The following TMEM150B variants were observed in gnomAD, a reference collection of about 807,000 sequenced individuals.
TMEM150B encodes transmembrane protein 150B, also known as modulator of macroautophagy TMEM150B.
TMEM150B carries 33 observed loss-of-function variants against 25.2 expected under a neutral mutation model. The observed-to-expected ratio is 1.31, with a 90% CI of 0.99 to 1.75. The LOEUF (loss-of-function observed/expected upper bound fraction) is 1.75. Among genes scored for constraint, TMEM150B ranks in the 40% most tolerant of loss-of-function variants. The pLI is 0.00. For synonymous variants in TMEM150B, 133 were observed against 134.8 expected (o/e 0.99, Z 0.09); for missense variants, 322 against 306.1 (o/e 1.05, Z -0.39).
downstream of TMEM150B, chr19:55,312,348 C>T: frequency 4.9e-6 from 1 of 203,632 alleles, no homozygotes; most frequent in Non-Finnish European, 9.7e-6. Flanking sequence ...GGGACGGGAG[C>T]TGGTTGGGGT....
At position 55,317,284 on chromosome 19, in the gene TMEM150B, A is replaced by T. The variant is rs575472671; in HGVS notation, c.325-318T>A. 2.0e-5 allele frequency among the ~76,000 whole-genome samples: 3 copies of T among 152,284 alleles called. No homozygotes were observed. In the East Asian group the frequency reaches 5.8e-4, roughly 29 times the overall value. ...CAAAAATTGGTCTTGCAGGTGAAAA[A>T]TTCTTAAATATTACAATTGTATGTG... On this transcript the variant is annotated intron_variant, in intron 6 of 7. Transcript: ENST00000326652.
Position 55,320,156 on chromosome 19 carries a change from G to A in TMEM150B, c.207C>T (p.Ile69=). 1.2e-6 allele frequency: 2 copies of A among 1,614,154 alleles called. No individual in the cohort carries two copies. The highest frequency in any genetic ancestry group is 1.7e-6 in the Non-Finnish European group (2 of 1,180,024). ...GGAGCTGGTGGTAACGGACAATGCA[G>A]ATCCACGCGGCTGGGAGTAGAGGGG... The part of the protein sequence containing the change: ...LNMGAALAAW[I]CIVRYHQLRD... The change falls in exon 6 of 8, where the codon ATC becomes ATT. Residue 69 remains isoleucine, a synonymous_variant. Coordinates refer to ENST00000326652, the MANE Select transcript of TMEM150B (RefSeq NM_001282011.2).
Position 55,317,083 on chromosome 19 carries a change from A to C in TMEM150B, c.325-117T>G, listed in dbSNP as rs2089030389. 5.8e-6 allele frequency: 5 copies of C among 861,126 alleles called. 1 individual carries two copies. The South Asian group carries it at 9.5e-5, about 16-fold the overall frequency. The allele number at this position is 861,126 out of a possible 1,614,324, so 53.3% of individuals were successfully genotyped here. On this transcript the variant is annotated intron_variant, in intron 6 of 7. Coordinates refer to ENST00000326652, the MANE Select transcript of TMEM150B (RefSeq NM_001282011.2). ...CAGTGGTCACCAACTTTCCATACCCAGTGATGGGCTTATTAAGCACATCAG... is the reference window on the plus strand; with the variant it reads ...CAGTGGTCACCAACTTTCCATACCCCGTGATGGGCTTATTAAGCACATCAG...
In TMEM150B at chr19:55,312,947, GCGGAGAAGTCAA is replaced by G. The variant is rs1442622026; in HGVS notation, c.602_613del (p.Val201_Ser204del). The G allele has an allele frequency of 6.2e-7, 1 of 1,613,088 alleles. No individual in the cohort carries two copies. The highest frequency in any genetic ancestry group is 8.5e-7 in the Non-Finnish European group (1 of 1,179,748). The stretch of plus-strand genomic sequence containing the variant: ...AACACACAGGGTGCAGCTCTCCAGG[GCGGAGAAGTCAA>G]CGGCTAAGAGACCGAAGAGCGCGAA... On this transcript the variant is annotated inframe_deletion, in exon 8 of 8. Transcript: ENST00000326652.
intron 2 of TMEM150B, among the ~76,000 whole-genome samples, chr19:55,321,755 A>G (rs1419678092): frequency 2.0e-5 from 3 of 151,968 alleles, no homozygotes; most frequent in Non-Finnish European, 4.4e-5. Flanking sequence ...TAGAATACAG[A>G]TATTCTTCTC....
At chr19:55,311,011 A>G (rs1385422440), downstream of TMEM150B, among the ~76,000 whole-genome samples, 17 of 152,018 alleles carry the variant, frequency 1.1e-4, no homozygotes, top group Admixed American at 1.1e-3. Context: ...CTCAGGCTGG[A>G]GTGCAGTGGC....
At chr19:55,324,597 G>A (rs541633667) in intron 1 of TMEM150B, 27 of 557,724 alleles carry the variant, frequency 4.8e-5, no homozygotes, top group African/African-American at 3.9e-4. Flanking sequence ...GCAGTGAGCC[G>A]AGATCGCACC....
intron 1 of TMEM150B, chr19:55,324,843 C>A: frequency 1.0e-6 from 1 of 985,340 alleles, no homozygotes; most frequent in African/African-American, 1.7e-5. Flanking sequence ...TGAGCCACCC[C>A]CTGCCCTCAG....
rs370328646 is a variant in TMEM150B, at chr19:55,320,158, T to C, written c.205A>G (p.Ile69Val). Residue 69 changes from isoleucine to valine, a missense_variant, in exon 6 of 8, where the codon ATC becomes GTC. Coordinates refer to ENST00000326652, the MANE Select transcript of TMEM150B (RefSeq NM_001282011.2). ...LNMGAALAAW[I>V]CIVRYHQLRD... ...AGCTGGTGGTAACGGACAATGCAGATCCACGCGGCTGGGAGTAGAGGGGAG... is the reference window on the plus strand; with the variant it reads ...AGCTGGTGGTAACGGACAATGCAGACCCACGCGGCTGGGAGTAGAGGGGAG... 3.7e-5 allele frequency: 60 copies of C among 1,613,732 alleles called. No individual in the cohort carries two copies. Among genetic ancestry groups the C allele is most frequent in the Non-Finnish European group, 4.9e-5 (58 of 1,179,934 alleles).
intron 7 of TMEM150B, among the ~76,000 whole-genome samples, chr19:55,316,257 C>T (rs985713678): frequency 6.6e-6 from 1 of 152,124 alleles, no homozygotes; most frequent in Non-Finnish European, 1.5e-5. Flanking sequence ...CCTCTCAGAG[C>T]CTGCGCAAGC....
At chr19:55,322,100 G>C (rs530095729) in intron 2 of TMEM150B, among the ~76,000 whole-genome samples, 84 of 152,222 alleles carry the variant, frequency 5.5e-4, no homozygotes, top group African/African-American at 1.9e-3. Context: ...ACCTCCTCCT[G>C]GCTTGGTATT....
At chr19:55,325,139 G>C (rs945890494) in intron 1 of TMEM150B, 133 bp downstream of exon 1, 2 of 364,208 alleles carry the variant, frequency 5.5e-6, no homozygotes, top group African/African-American at 4.4e-5. Flanking sequence ...CGGTGTCCTG[G>C]CACAAAGATG....
In TMEM150B at chr19:55,320,111, C is replaced by CCTTCTGA; in HGVS notation, c.245_251dup (p.Arg84SerfsTer6). ...TCCATAGGATCAGCTGGTTAGGCCA[C>CCTTCTGA]CTTCTGACGCCCCAGTCCCGGAGCT... On this transcript the variant is annotated frameshift_variant, in exon 6 of 8. Coordinates refer to ENST00000326652, the MANE Select transcript of TMEM150B (RefSeq NM_001282011.2). LOFTEE classifies it high-confidence loss of function. 1 of 1,614,126 alleles carries CCTTCTGA rather than the reference C, an allele frequency of 6.2e-7. No homozygotes were observed. Among genetic ancestry groups the CCTTCTGA allele is most frequent in the Non-Finnish European group, 8.5e-7 (1 of 1,180,016 alleles).
At position 55,320,599 on chromosome 19, in the gene TMEM150B, G is replaced by A; in HGVS notation, c.87C>T (p.Thr29=). ...CTTTACTGAGGTCCACAGTCCTGTT[G>A]GTCACTGCAATGGCAAAACTACGGA... The part of the protein sequence containing the change: ...GVWIVFAIAV[T]NRTVDLSKGF... Residue 29 remains threonine (T), a synonymous_variant, in exon 4 of 8, where the codon ACC becomes ACT. Transcript: ENST00000326652. 6.2e-7 allele frequency: 1 copy of A among 1,613,740 alleles called. No homozygotes were observed. The highest frequency in any genetic ancestry group is 1.1e-5 in the South Asian group (1 of 91,062).
intron 3 of TMEM150B, 100 bp from the exon 4 acceptor site, chr19:55,320,717 A>G (rs563450119): frequency 7.0e-7 from 1 of 1,427,826 alleles, no homozygotes; most frequent in African/African-American, 1.4e-5. Flanking sequence ...CCCTCAGACC[A>G]GGAGTCCAGG....
chr19:55,320,859 C>G, intron 3 of TMEM150B, 110 bp downstream of exon 3: 1 of 1,372,306 alleles, frequency 7.3e-7, no homozygotes, highest in Non-Finnish European at 9.8e-7. Context: ...CCTCCTCCCT[C>G]AGATCCAGGG....
Position 55,312,998 on chromosome 19 carries a change from A to G in TMEM150B, c.563T>C (p.Val188Ala), listed in dbSNP as rs1308303988. The G allele has an allele frequency of 6.2e-7, 1 of 1,613,670 alleles. No homozygotes were observed. Among genetic ancestry groups the G allele is most frequent in the Admixed American group, 1.7e-5 (1 of 59,996 alleles). The change falls in exon 8 of 8, where the codon GTG (valine) becomes GCG (alanine). Residue 188 changes from valine (V) to alanine (A), a missense_variant. Coordinates refer to ENST00000326652, the MANE Select transcript of TMEM150B (RefSeq NM_001282011.2). Reference protein sequence around the residue: ...RSVSAACEWVVAMLLFALFGL... With the variant: ...RSVSAACEWVAAMLLFALFGL... ...GAAGAGCGCGAACAGCAGCATGGCC[A>G]CGACCCACTCGCAGGCCGCAGAGAC...
At chr19:55,310,614 G>GGAT (rs959105691), downstream of TMEM150B, among the ~76,000 whole-genome samples, 2 of 152,260 alleles carry the variant, frequency 1.3e-5, no homozygotes, top group Middle Eastern at 6.8e-3. The surrounding 1 kb of genome is among the most constrained non-coding windows in gnomAD (Gnocchi z 5.0). Flanking sequence ...GAAAACAGGG[G>GGAT]GATGCCAATG....
rs562691230 is a variant in TMEM150B, at chr19:55,323,782, C to T, written c.-153-1039G>A. Among the ~76,000 whole-genome samples the T allele has an allele frequency of 8.9e-4, 129 of 144,746 alleles. 4 individuals are homozygous for T. The South Asian group carries it at 0.026, about 30-fold the overall frequency. 95.0% of individuals were successfully genotyped at this position (144,746 alleles called of 152,430 possible). A position where few individuals can be genotyped will look rare whatever the true frequency, so the allele number is the denominator to read the frequency against. On this transcript the variant is annotated intron_variant, in intron 1 of 7. Transcript: ENST00000326652. ...GCTCCCAAAGTGCTGGGATTACAGG[C>T]GTGAGACACTGCGCCCAACCTTTTT...
Sources: allele counts gnomAD v4.1 joint callset (sites outside exome capture counted in the v4.1 genomes callset), GRCh38; gene constraint gnomAD v4.1.1; non-coding constraint Gnocchi (gnomAD v3.1); transcripts MANE v1.5; gene names NCBI Gene and HGNC (gene_info 2026-07-23, HGNC 2026-07-21).